Variants in DAB1 observed in about 807,000 individuals in gnomAD.
DAB1 encodes the protein DAB adaptor protein 1.
DAB1 carries 15 observed loss-of-function variants against 64.6 expected under a neutral mutation model. The ratio of observed to expected loss-of-function variants is 0.23; its 90% CI spans 0.16 to 0.36. The LOEUF is 0.36. DAB1 is among the 10% of genes least tolerant of loss of function. The pLI, the probability that DAB1 is intolerant of heterozygous loss-of-function variation, is 1.00. For synonymous variants in DAB1, 235 were observed against 251.9 expected (o/e 0.93, Z 0.64); for missense variants, 596 against 706.7 (o/e 0.84, Z 1.78).
intron 5 of DAB1, among the ~76,000 whole-genome samples, chr1:58,014,042 T>C (rs1646706025): frequency 1.3e-5 from 2 of 152,180 alleles, no homozygotes; most frequent in African/African-American, 2.4e-5. Context: ...AAATGCTAAA[T>C]ATGTTTCATT....
At chr1:57,177,790 A>C (rs1662485715) in intron 2 of DAB1, among the ~76,000 whole-genome samples, 1 of 152,134 alleles carries the variant, frequency 6.6e-6, no homozygotes, top group African/African-American at 2.4e-5. Context: ...CTTTTTCCAA[A>C]AGTTCTTCAC....
chr1:57,785,588 C>A (rs1650301351), intron 6 of DAB1, among the ~76,000 whole-genome samples: 2 of 152,132 alleles, frequency 1.3e-5, no homozygotes, highest in Non-Finnish European at 2.9e-5. Context: ...GAGGAAGAAA[C>A]TGCAGATGTG....
intron 5 of DAB1, among the ~76,000 whole-genome samples, chr1:58,126,436 C>T (rs1195292405): frequency 6.9e-6 from 1 of 145,162 alleles, no homozygotes; most frequent in African/African-American, 2.6e-5. Flanking sequence ...TCAGAAGGGG[C>T]CAATCTTTTT....
At chr1:58,093,500 G>A (rs2797613) in intron 5 of DAB1, among the ~76,000 whole-genome samples, 2,289 of 152,040 alleles carry the variant, frequency 0.015, 59 homozygotes, top group African/African-American at 0.052. Flanking sequence ...TGTGAACTGC[G>A]CATGTGAGGG....
At chr1:58,186,736 T>C (rs12078078) in intron 4 of DAB1, among the ~76,000 whole-genome samples, 2,663 of 152,304 alleles carry the variant, frequency 0.017, 64 homozygotes, top group African/African-American at 0.06. Flanking sequence ...CTCATATGTC[T>C]GAGCATTAAC....
intron 1 of DAB1, among the ~76,000 whole-genome samples, chr1:57,416,307 T>C (rs1000386228): frequency 6.6e-6 from 1 of 152,214 alleles, no homozygotes; most frequent in African/African-American, 2.4e-5. Flanking sequence ...TGATAGTATC[T>C]AATAACAACA....
intron 3 of DAB1, among the ~76,000 whole-genome samples, chr1:58,353,481 T>C (rs1428688166): frequency 6.6e-6 from 1 of 152,188 alleles, no homozygotes; most frequent in Non-Finnish European, 1.5e-5. Flanking sequence ...AATATTCTGC[T>C]TTAGGAACCA....
At chr1:57,977,731 T>C (rs751105500) in intron 5 of DAB1, among the ~76,000 whole-genome samples, 2 of 152,074 alleles carry the variant, frequency 1.3e-5, no homozygotes, top group Non-Finnish European at 2.9e-5. Context: ...ACCACAAGAA[T>C]TGCCTTCATC....
chr1:58,016,452 G>T (rs1646740325), intron 5 of DAB1, among the ~76,000 whole-genome samples: 1 of 152,170 alleles, frequency 6.6e-6, no homozygotes. Flanking sequence ...AACTGAGTCT[G>T]CATGAACAAC....
At chr1:58,005,380 C>T (rs1443875239) in intron 5 of DAB1, among the ~76,000 whole-genome samples, 1 of 152,110 alleles carries the variant, frequency 6.6e-6, no homozygotes, top group Non-Finnish European at 1.5e-5. Context: ...TGTCTAGGGG[C>T]AGAGATGATC....
chr1:57,302,079 T>C (rs1673709483), intron 1 of DAB1, among the ~76,000 whole-genome samples: 1 of 152,154 alleles, frequency 6.6e-6, no homozygotes, highest in African/African-American at 2.4e-5. Flanking sequence ...TAGTCCAATC[T>C]CAATTACTGT....
intron 7 of DAB1, among the ~76,000 whole-genome samples, chr1:57,589,736 A>G (rs553386815): frequency 2.6e-4 from 40 of 152,300 alleles, no homozygotes; most frequent in Non-Finnish European, 3.5e-4. Context: ...CAGCCTCAGC[A>G]ACAGAGTGAG....
chr1:58,455,620 C>G lies in DAB1; in HGVS notation n.257+50440G>C, dbSNP rs191896040. On this transcript the variant is annotated intron_variant and non_coding_transcript_variant, in intron 3 of 20. Coordinates refer to the DAB1 transcript ENST00000485760. ...TCTTTTCTATCACTACAAAGGGATACACAAAAGAATGAATGTTATTCTATT... is the reference window on the plus strand; with the variant it reads ...TCTTTTCTATCACTACAAAGGGATAGACAAAAGAATGAATGTTATTCTATT... Among the ~76,000 whole-genome samples, 7 of 152,344 alleles carry G rather than the reference C, an allele frequency of 4.6e-5. No homozygotes were observed. The East Asian group carries it at 1.3e-3, about 29-fold the overall frequency.
intron 6 of DAB1, among the ~76,000 whole-genome samples, chr1:57,815,311 G>A (rs1428897354): frequency 6.6e-6 from 1 of 152,042 alleles, no homozygotes; most frequent in African/African-American, 2.4e-5. Context: ...CTCGTGATCT[G>A]CCCGCCTCAG....
At chr1:57,759,662 G>A (rs1483990895) in intron 6 of DAB1, among the ~76,000 whole-genome samples, 1 of 152,094 alleles carries the variant, frequency 6.6e-6, no homozygotes, top group African/African-American at 2.4e-5. Context: ...TTTCAGCAGA[G>A]GAATTAAATG....
intron 3 of DAB1, among the ~76,000 whole-genome samples, chr1:58,392,781 C>G (rs1033419411): frequency 3.3e-5 from 5 of 152,240 alleles, no homozygotes; most frequent in South Asian, 4.1e-4. Flanking sequence ...AGCACTGGCT[C>G]TTGGCTAAGG....
intron 4 of DAB1, among the ~76,000 whole-genome samples, chr1:57,106,267 A>T (rs568971940): frequency 1.7e-5 from 1 of 59,126 alleles, no homozygotes; most frequent in South Asian, 6.8e-4. Flanking sequence ...ACCCCCCCCC[A>T]TCAGTATTAT....
intron 3 of DAB1, among the ~76,000 whole-genome samples, chr1:58,487,436 TG>T (rs1350147641): frequency 2.6e-5 from 4 of 152,254 alleles, no homozygotes; most frequent in Non-Finnish European, 5.9e-5. Flanking sequence ...TTAAAGTTAT[TG>T]TTTTTATCAA....
At chr1:57,987,709 C>A (rs1486609532) in intron 5 of DAB1, among the ~76,000 whole-genome samples, 1 of 152,150 alleles carries the variant, frequency 6.6e-6, no homozygotes. Flanking sequence ...GCACTAATTA[C>A]CATTTATATA....
Sources: gnomAD v4.1 joint callset for allele counts (sites outside exome capture counted in the v4.1 genomes callset) on GRCh38, gnomAD v4.1.1 for gene constraint, MANE v1.5 for transcripts, NCBI Gene and HGNC (gene_info 2026-07-23, HGNC 2026-07-21) for gene names.